Variants in SH3BGR observed in about 807,000 individuals in gnomAD.
SH3BGR encodes SH3 domain binding glutamate rich protein.
A neutral mutation model predicts 24.5 loss-of-function variants in SH3BGR; 29 were observed. That is an observed-to-expected ratio of 1.18 (90% confidence interval 0.88 to 1.61). SH3BGR has a LOEUF of 1.61. Among genes scored for constraint, SH3BGR ranks in the 40% most tolerant of loss-of-function variants. The pLI is 0.00. For missense variants in SH3BGR, 162 were observed against 205.8 expected (o/e 0.79, Z 1.30); for synonymous variants, 55 against 65.7 (o/e 0.84, Z 0.79).
At chr21:39,450,633 T>G (rs2077562874), upstream of SH3BGR, among the ~76,000 whole-genome samples, 1 of 152,108 alleles carries the variant, frequency 6.6e-6, no homozygotes, top group Non-Finnish European at 1.5e-5. Flanking sequence ...AGTAAGAGAC[T>G]CAGTTATCTA....
Position 39,454,589 on chromosome 21 carries a change from C to T in SH3BGR, c.45+2448C>T, listed in dbSNP as rs1602062913. Among the ~76,000 whole-genome samples the T allele has an allele frequency of 1.3e-5, 2 of 152,284 alleles. 1 individual carries two copies. Among genetic ancestry groups the T allele is most frequent in the Non-Finnish European group, 2.9e-5 (2 of 68,012 alleles). On this transcript the variant is annotated intron_variant, in intron 1 of 6. Coordinates refer to ENST00000333634, the MANE Select transcript of SH3BGR (RefSeq NM_007341.3). ...GCAGGGGGGACAAAGGGAGAGAGGA[C>T]AGTCCCTGCCGTCTCCAAGATGCAC... is the stretch of plus-strand genomic sequence containing the variant.
intron 1 of SH3BGR, among the ~76,000 whole-genome samples, chr21:39,453,120 G>T (rs1049165594): frequency 6.6e-6 from 1 of 152,208 alleles, no homozygotes; most frequent in African/African-American, 2.4e-5. Context: ...GCCATTGGCT[G>T]GGGTGACAGC....
intron 4 of SH3BGR, among the ~76,000 whole-genome samples, chr21:39,505,062 C>T (rs1370464778): frequency 1.3e-5 from 2 of 152,260 alleles, no homozygotes; most frequent in Admixed American, 1.3e-4. Flanking sequence ...ATCCTCCCTC[C>T]TCAGCCTCCT....
At chr21:39,480,167 C>A (rs2078108369) in intron 3 of SH3BGR, among the ~76,000 whole-genome samples, 1 of 152,098 alleles carries the variant, frequency 6.6e-6, no homozygotes, top group African/African-American at 2.4e-5. Context: ...TATCTTTGCT[C>A]TTTTTAAAAA....
upstream of SH3BGR, chr21:39,451,811 A>G: frequency 7.3e-7 from 1 of 1,362,448 alleles, no homozygotes. Flanking sequence ...GTTTAAAGTG[A>G]TAGGGAAAGG....
In SH3BGR at chr21:39,511,110, G is replaced by A. The variant is rs568528952; in HGVS notation, c.436-570G>A. On this transcript the variant is annotated intron_variant, in intron 5 of 6. Transcript: ENST00000333634. The surrounding 1 kb of genome is among the most constrained non-coding windows in gnomAD (Gnocchi z 4.2). The stretch of plus-strand genomic sequence containing the variant: ...TTTAGAAGGATGATTTTTTTTATGT[G>A]TGTGTATGTATGTGTGGTATGTGTG... Among the ~76,000 whole-genome samples the A allele has an allele frequency of 3.0e-4, 45 of 151,380 alleles. No homozygotes were observed. The highest frequency in any genetic ancestry group is 9.9e-4 in the African/African-American group (41 of 41,296).
chr21:39,510,416 C>T (rs2078662839), intron 5 of SH3BGR, among the ~76,000 whole-genome samples: 1 of 119,676 alleles, frequency 8.4e-6, no homozygotes, highest in African/African-American at 3.2e-5. Context: ...CACACACACA[C>T]ACACACTGTA....
At chr21:39,475,602 A>T (rs1374553944) in intron 3 of SH3BGR, among the ~76,000 whole-genome samples, 1 of 152,210 alleles carries the variant, frequency 6.6e-6, no homozygotes, top group Non-Finnish European at 1.5e-5. Context: ...TTTCATAATG[A>T]TATATACCCT....
At chr21:39,509,117 A>ATGTT in intron 5 of SH3BGR, 90 bp downstream of exon 5, 1 of 1,063,794 alleles carries the variant, frequency 9.4e-7, no homozygotes, top group Non-Finnish European at 1.4e-6. Flanking sequence ...GCACGTTCTT[A>ATGTT]ATAACATAAG....
chr21:39,502,424 C>T (rs927438471), intron 4 of SH3BGR, among the ~76,000 whole-genome samples: 1 of 152,180 alleles, frequency 6.6e-6, no homozygotes, highest in African/African-American at 2.4e-5. Flanking sequence ...TCTTTTTGCT[C>T]CTCTTGGCTT....
intron 6 of SH3BGR, among the ~76,000 whole-genome samples, chr21:39,513,177 G>A (rs769205241): frequency 6.6e-5 from 10 of 152,166 alleles, no homozygotes; most frequent in Non-Finnish European, 1.3e-4. Flanking sequence ...ATTTTCCATC[G>A]TCAGTAGAAG....
At chr21:39,495,326 T>C (rs1005755763) in intron 3 of SH3BGR, among the ~76,000 whole-genome samples, 2 of 152,210 alleles carry the variant, frequency 1.3e-5, no homozygotes, top group Non-Finnish European at 2.9e-5. Flanking sequence ...TACATTCTTC[T>C]GAAAAACATT....
At chr21:39,462,590 C>A in intron 2 of SH3BGR, 30 bp downstream of exon 2, 1 of 1,452,252 alleles carries the variant, frequency 6.9e-7, no homozygotes, top group Non-Finnish European at 9.2e-7. Context: ...AAAAATCCTG[C>A]TGTGTGTGTG....
At chr21:39,469,993 A>G (rs2077910324) in intron 2 of SH3BGR, among the ~76,000 whole-genome samples, 1 of 152,030 alleles carries the variant, frequency 6.6e-6, no homozygotes, top group South Asian at 2.1e-4. Flanking sequence ...AAATGTTAAG[A>G]TATTTATACC....
chr21:39,459,085 G>A (rs1043183744), intron 1 of SH3BGR, among the ~76,000 whole-genome samples: 1 of 151,414 alleles, frequency 6.6e-6, no homozygotes, highest in Non-Finnish European at 1.5e-5. Flanking sequence ...CTGTTCACAT[G>A]AAGGACTTGG....
chr21:39,457,950 A>C (rs1042458684), intron 1 of SH3BGR, among the ~76,000 whole-genome samples: 1 of 152,098 alleles, frequency 6.6e-6, no homozygotes, highest in Non-Finnish European at 1.5e-5. Context: ...AAACAAAAAA[A>C]ACAAGAAACA....
chr21:39,477,654 C>G (rs1208056137), intron 3 of SH3BGR, among the ~76,000 whole-genome samples: 2 of 152,152 alleles, frequency 1.3e-5, no homozygotes, highest in African/African-American at 2.4e-5. Context: ...AGGATTATAA[C>G]ATTCATCCTG....
intron 3 of SH3BGR, among the ~76,000 whole-genome samples, chr21:39,492,088 GTT>G (rs928169048): frequency 6.6e-6 from 1 of 152,110 alleles, no homozygotes; most frequent in Admixed American, 6.6e-5. Context: ...TATTTTTTAA[GTT>G]TTTTATTTCC....
At chr21:39,491,624 C>A in intron 3 of SH3BGR, 1 of 231,458 alleles carries the variant, frequency 4.3e-6, no homozygotes, top group South Asian at 6.7e-5. Flanking sequence ...TTGCAAGCTT[C>A]ACGAGATTGA....
Sources: allele counts gnomAD v4.1 joint callset (sites outside exome capture counted in the v4.1 genomes callset), GRCh38; gene constraint gnomAD v4.1.1; non-coding constraint Gnocchi (gnomAD v3.1); transcripts MANE v1.5; gene names NCBI Gene and HGNC (gene_info 2026-07-23, HGNC 2026-07-21).